The following CLSTN2 variants were observed in gnomAD, a reference collection of about 807,000 sequenced individuals.
CLSTN2 encodes calsyntenin-2.
Under a neutral mutation model 101.2 loss-of-function variants are expected in CLSTN2, and 48 were observed. That is an observed-to-expected ratio of 0.47 (90% confidence interval 0.38 to 0.60). CLSTN2 has a LOEUF of 0.60. Among genes scored for constraint, CLSTN2 ranks in the 20% least tolerant of loss-of-function variants. The pLI is 0.00. For synonymous variants in CLSTN2, 481 were observed against 463.6 expected, an observed-to-expected ratio of 1.04 and a Z score of -0.48; for missense variants, 1,160 against 1,238.2, an observed-to-expected ratio of 0.94 and a Z score of 0.95.
At chr3:140,238,356 G>A (rs2086433808) in intron 2 of CLSTN2, among the ~76,000 whole-genome samples, 2 of 152,094 alleles carry the variant, frequency 1.3e-5, no homozygotes, top group Non-Finnish European at 2.9e-5. Flanking sequence ...ACTGAATTAT[G>A]CATGGTTTTC....
chr3:140,086,796 A>G (rs1416849243), intron 1 of CLSTN2, among the ~76,000 whole-genome samples: 1 of 152,206 alleles, frequency 6.6e-6, no homozygotes, highest in African/African-American at 2.4e-5. Flanking sequence ...CTTAATCTTC[A>G]GGCATTGCTC....
chr3:140,522,681 A>G (rs1935056154), intron 8 of CLSTN2, among the ~76,000 whole-genome samples: 1 of 152,208 alleles, frequency 6.6e-6, no homozygotes, highest in Non-Finnish European at 1.5e-5. Flanking sequence ...TATTTGTTGG[A>G]ATTTATCATT....
intron 1 of CLSTN2, among the ~76,000 whole-genome samples, chr3:139,967,465 G>T (rs1021920716): frequency 1.3e-5 from 2 of 152,174 alleles, no homozygotes; most frequent in Non-Finnish European, 2.9e-5. Flanking sequence ...ATGCCTTTGA[G>T]AAAGGACAGC....
intron 2 of CLSTN2, among the ~76,000 whole-genome samples, chr3:140,317,845 C>A (rs1446587989): frequency 1.3e-5 from 2 of 152,124 alleles, no homozygotes; most frequent in East Asian, 1.9e-4. Context: ...ATAATCAAGG[C>A]TTTTAGAGAC....
At chr3:140,285,222 G>A (rs2086884538) in intron 2 of CLSTN2, among the ~76,000 whole-genome samples, 1 of 152,136 alleles carries the variant, frequency 6.6e-6, no homozygotes. Flanking sequence ...TACTTGAAAT[G>A]TGGGTCCTTT....
intron 1 of CLSTN2, among the ~76,000 whole-genome samples, chr3:140,127,316 T>A (rs114871556): frequency 0.012 from 1,847 of 152,268 alleles, 38 homozygotes; most frequent in African/African-American, 0.042. Context: ...ATAATAACAC[T>A]CCATGACAAT....
chr3:140,045,929 T>C (rs1187015073), intron 1 of CLSTN2, among the ~76,000 whole-genome samples: 1 of 152,254 alleles, frequency 6.6e-6, no homozygotes, highest in Non-Finnish European at 1.5e-5. Flanking sequence ...ATGAGTGCTT[T>C]ACTTCCAACT....
intron 9 of CLSTN2, among the ~76,000 whole-genome samples, chr3:140,535,549 A>G (rs1390166006): frequency 6.6e-6 from 1 of 152,218 alleles, no homozygotes; most frequent in East Asian, 1.9e-4. Flanking sequence ...CTTTTTCCAG[A>G]TATACGCTAG....
Position 140,562,902 on chromosome 3 carries a change from G to C in CLSTN2, c.2304G>C (p.Arg768=), listed in dbSNP as rs753286193. The C allele has an allele frequency of 2.5e-6, 4 of 1,614,138 alleles. No homozygotes were observed. The Middle Eastern group carries it at 5.0e-4, about 200-fold the overall frequency. ...RPASLEARRF[R]IKCSELNGRY... The stretch of plus-strand genomic sequence containing the variant: ...CTTCCCTTGAGGCCCGGCGTTTCCG[G>C]ATTAAGTGCTCAGAACTCAATGGGC... Residue 768 remains arginine, a synonymous_variant, in exon 14 of 17, where the codon CGG becomes CGC. Transcript: ENST00000458420.
At chr3:140,510,542 A>G (rs1467246597) in intron 8 of CLSTN2, among the ~76,000 whole-genome samples, 1 of 152,150 alleles carries the variant, frequency 6.6e-6, no homozygotes, top group Admixed American at 6.5e-5. Context: ...TGTTTTGGGG[A>G]TTTGCCCAAA....
intron 2 of CLSTN2, among the ~76,000 whole-genome samples, chr3:140,369,445 A>T (rs988310489): frequency 3.3e-5 from 5 of 152,242 alleles, no homozygotes; most frequent in Non-Finnish European, 7.3e-5. Flanking sequence ...TAAACCTGGG[A>T]TCAGCATAAA....
intron 4 of CLSTN2, among the ~76,000 whole-genome samples, chr3:140,412,254 A>G (rs1017555877): frequency 3.2e-4 from 49 of 152,182 alleles, no homozygotes; most frequent in African/African-American, 1.1e-3. Flanking sequence ...ACCTCAGGTG[A>G]TCCGCCCACC....
intron 2 of CLSTN2, among the ~76,000 whole-genome samples, chr3:140,252,943 G>A (rs982886420): frequency 1.3e-5 from 2 of 152,152 alleles, no homozygotes; most frequent in African/African-American, 4.8e-5. Flanking sequence ...GTGGAAGCCA[G>A]GGTGACCAGG....
At chr3:140,062,924 A>G (rs1310540821) in intron 1 of CLSTN2, among the ~76,000 whole-genome samples, 4 of 152,356 alleles carry the variant, frequency 2.6e-5, no homozygotes, top group East Asian at 1.9e-4. Flanking sequence ...TCAGCAAAAT[A>G]TAATACATTT....
At chr3:140,018,223 A>G (rs916418552) in intron 1 of CLSTN2, among the ~76,000 whole-genome samples, 1 of 152,210 alleles carries the variant, frequency 6.6e-6, no homozygotes, top group Non-Finnish European at 1.5e-5. Flanking sequence ...TCAATGTGAC[A>G]TTACGCTTCT....
intron 2 of CLSTN2, among the ~76,000 whole-genome samples, chr3:140,324,932 T>C (rs1439473472): frequency 1.3e-5 from 2 of 152,226 alleles, no homozygotes; most frequent in Non-Finnish European, 2.9e-5. Flanking sequence ...GGATTGCAAA[T>C]GTAACACAAA....
chr3:140,125,169 C>T (rs777693222), intron 1 of CLSTN2, among the ~76,000 whole-genome samples: 18 of 151,994 alleles, frequency 1.2e-4, no homozygotes, highest in Non-Finnish European at 2.5e-4. Context: ...AAGTGATAAC[C>T]ATGGGTCTTG....
At chr3:140,125,147 T>C (rs2107801212) in intron 1 of CLSTN2, among the ~76,000 whole-genome samples, 1 of 151,826 alleles carries the variant, frequency 6.6e-6, no homozygotes, top group South Asian at 2.1e-4. Context: ...TGAGGGAGGA[T>C]AGGGGGAGAG....
intron 2 of CLSTN2, among the ~76,000 whole-genome samples, chr3:140,364,098 C>T (rs1463749595): frequency 6.6e-6 from 1 of 152,190 alleles, no homozygotes; most frequent in Non-Finnish European, 1.5e-5. Context: ...TTCTAGACCT[C>T]AAGGAGCACT....
Sources: gnomAD v4.1 joint callset for allele counts (sites outside exome capture counted in the v4.1 genomes callset) on GRCh38, gnomAD v4.1.1 for gene constraint, MANE v1.5 for transcripts, NCBI Gene and HGNC (gene_info 2026-07-23, HGNC 2026-07-21) for gene names.